The following ATF6 variants were observed in gnomAD, a reference collection of about 807,000 sequenced individuals.
ATF6 encodes the protein cyclic AMP-dependent transcription factor ATF-6 alpha.
ATF6 carries 53 observed loss-of-function variants against 83.6 expected under a neutral mutation model. The ratio of observed to expected loss-of-function variants is 0.63; its 90% confidence interval spans 0.51 to 0.80. ATF6 has a LOEUF of 0.80. Ranked by LOEUF, ATF6 falls within the 30% of genes least tolerant of loss-of-function variation. The probability of loss-of-function intolerance (pLI) is 0.00; values close to 1 mark genes in which losing one functional copy is unlikely to be tolerated. For missense variants in ATF6, 744 were observed against 797.9 expected (o/e 0.93, Z 0.81); for synonymous variants, 288 against 285.8 (o/e 1.01, Z -0.08).
At chr1:161,871,436 C>T (rs879601123) in intron 14 of ATF6, among the ~76,000 whole-genome samples, 8 of 151,304 alleles carry the variant, frequency 5.3e-5, no homozygotes, top group Non-Finnish European at 1.0e-4. Context: ...AACAAACCCC[C>T]GTGACATGAG....
intron 15 of ATF6, among the ~76,000 whole-genome samples, chr1:161,950,775 T>G (rs1271600466): frequency 1.3e-5 from 2 of 152,244 alleles, no homozygotes; most frequent in Non-Finnish European, 2.9e-5. Flanking sequence ...TTTTCTGTTT[T>G]TGAGGCACTA....
Position 161,860,238 on chromosome 1 carries a change from T to C in ATF6, c.1565T>C (p.Leu522Pro). The change falls in exon 13 of 16, where the codon CTG becomes CCG. Residue 522 changes from leucine to proline, a missense_variant. Physicochemically the swap from Leu to Pro is moderately conservative, Grantham distance 98 (BLOSUM62 -3). Coordinates refer to ENST00000367942, the MANE Select transcript of ATF6 (RefSeq NM_007348.4). ...CTGGAACAGGGCTCAAATTCTCAGC[T>C]GATGGCTGTTCAATACACAGAAACC... ...GALEQGSNSQ[L>P]MAVQYTETTS... The C allele has an allele frequency of 6.3e-7, 1 of 1,596,536 alleles. No homozygotes were observed. The highest frequency in any genetic ancestry group is 8.5e-7 in the Non-Finnish European group (1 of 1,169,884).
chr1:161,775,423 A>G (rs1479399644), intron 1 of ATF6, among the ~76,000 whole-genome samples: 1 of 151,840 alleles, frequency 6.6e-6, no homozygotes, highest in East Asian at 1.9e-4. Flanking sequence ...AATGGTAACT[A>G]TCTAACTCTA....
At chr1:161,916,388 CTA>C (rs1688102200) in intron 15 of ATF6, among the ~76,000 whole-genome samples, 1 of 152,176 alleles carries the variant, frequency 6.6e-6, no homozygotes, top group African/African-American at 2.4e-5. Context: ...TTATATCTAT[CTA>C]TGTACACTCA....
chr1:161,903,966 G>A (rs1687838794), intron 14 of ATF6, among the ~76,000 whole-genome samples: 1 of 152,144 alleles, frequency 6.6e-6, no homozygotes, highest in African/African-American at 2.4e-5. Flanking sequence ...TTTTTCAAGA[G>A]TTGAGGAATG....
At chr1:161,881,356 C>T (rs912309642) in intron 14 of ATF6, among the ~76,000 whole-genome samples, 3 of 152,096 alleles carry the variant, frequency 2.0e-5, no homozygotes, top group Non-Finnish European at 2.9e-5. Flanking sequence ...TTCAGCTCCT[C>T]GTGGGATGCC....
chr1:161,830,562 A>G (rs879134018), intron 9 of ATF6, among the ~76,000 whole-genome samples: 1 of 152,242 alleles, frequency 6.6e-6, no homozygotes, highest in Non-Finnish European at 1.5e-5. Context: ...ACAAGGCTAC[A>G]GTAACCAAAA....
chr1:161,949,241 A>G lies in ATF6; in HGVS notation c.1805-9205A>G, dbSNP rs186178825. ...AAGGCCTCATTCATTCGTTTATTCC[A>G]AAATATATTTATTGAGTGCCTTCTG... On this transcript the variant is annotated intron_variant, in intron 15 of 15. Coordinates refer to ENST00000367942, the MANE Select transcript of ATF6 (RefSeq NM_007348.4). Among the ~76,000 whole-genome samples the G allele has an allele frequency of 2.4e-3, 369 of 152,292 alleles. 3 individuals carry two copies. The highest frequency in any genetic ancestry group is 8.5e-3 in the African/African-American group (352 of 41,546).
chr1:161,847,372 C>A (rs1007269911), intron 10 of ATF6, among the ~76,000 whole-genome samples: 5 of 152,102 alleles, frequency 3.3e-5, no homozygotes, highest in African/African-American at 1.2e-4. Context: ...CTGATTTTTA[C>A]TGTGTTACAT....
intron 9 of ATF6, among the ~76,000 whole-genome samples, chr1:161,822,654 T>G (rs1429290835): frequency 6.6e-6 from 1 of 152,210 alleles, no homozygotes; most frequent in African/African-American, 2.4e-5. Context: ...TGACATATAC[T>G]AATCAAAATG....
intron 14 of ATF6, among the ~76,000 whole-genome samples, chr1:161,867,022 C>T (rs371123046): frequency 3.9e-5 from 6 of 152,240 alleles, no homozygotes; most frequent in South Asian, 4.1e-4. Flanking sequence ...TGGCCAGGCG[C>T]GGTGACTCAC....
chr1:161,807,756 T>TTTG (rs1259271531), intron 7 of ATF6, among the ~76,000 whole-genome samples: 14 of 152,112 alleles, frequency 9.2e-5, no homozygotes, highest in Admixed American at 2.0e-4. Context: ...ACAGCTTTTT[T>TTTG]TTGTTGTTGT....
chr1:161,820,957 T>A, intron 8 of ATF6, 113 bp from the exon 9 acceptor site: 1 of 596,300 alleles, frequency 1.7e-6, no homozygotes, highest in Middle Eastern at 2.8e-4. Context: ...GACAAGGTAT[T>A]TGTAAGACAA....
chr1:161,852,433 C>G (rs1365459823), intron 11 of ATF6, among the ~76,000 whole-genome samples: 3 of 151,742 alleles, frequency 2.0e-5, no homozygotes, highest in Admixed American at 2.0e-4. Context: ...TTTTTTTACC[C>G]CAGGCAATTG....
intron 6 of ATF6, among the ~76,000 whole-genome samples, chr1:161,800,414 T>C (rs936940042): frequency 1.3e-5 from 2 of 152,206 alleles, no homozygotes; most frequent in African/African-American, 4.8e-5. Flanking sequence ...CAGTTGTCAC[T>C]ATCTCCTGTG....
chr1:161,782,430 G>A (rs1002155541), intron 3 of ATF6, among the ~76,000 whole-genome samples: 5 of 152,122 alleles, frequency 3.3e-5, no homozygotes, highest in Admixed American at 2.6e-4. Context: ...CTTTAAGGGG[G>A]CCTGATGAGG....
chr1:161,830,037 A>G (rs1686013854), intron 9 of ATF6, among the ~76,000 whole-genome samples: 1 of 152,246 alleles, frequency 6.6e-6, no homozygotes, highest in African/African-American at 2.4e-5. Flanking sequence ...ATGATTGTAT[A>G]TTTAGAAAAC....
intron 9 of ATF6, among the ~76,000 whole-genome samples, chr1:161,835,033 C>T (rs1057463467): frequency 2.6e-5 from 4 of 151,786 alleles, no homozygotes; most frequent in Non-Finnish European, 5.9e-5. Flanking sequence ...TGTTCTTGTC[C>T]CAAAAAATGT....
chr1:161,781,819 A>T, intron 2 of ATF6, 93 bp from the exon 3 acceptor site: 1 of 801,250 alleles, frequency 1.2e-6, no homozygotes, highest in Non-Finnish European at 2.0e-6. Context: ...AATAGCAGTT[A>T]AATTATTTGT....
Sources: gnomAD v4.1 joint callset for allele counts (sites outside exome capture counted in the v4.1 genomes callset) on GRCh38, gnomAD v4.1.1 for gene constraint, MANE v1.5 for transcripts, NCBI Gene and HGNC (gene_info 2026-07-23, HGNC 2026-07-21) for gene names.